The following COL11A1 variants were observed in gnomAD, a reference collection of about 807,000 sequenced individuals.
COL11A1 encodes collagen type XI alpha 1 chain, also known as collagen alpha-1(XI) chain.
COL11A1 carries 74 observed loss-of-function variants against 265.2 expected under a neutral mutation model. That is an observed-to-expected ratio of 0.28 (90% CI 0.23 to 0.34). COL11A1 has a LOEUF of 0.34. Ranked by LOEUF, COL11A1 falls within the 10% of genes least tolerant of loss-of-function variation. The pLI is 1.00. For synonymous variants in COL11A1, 816 were observed against 727.6 expected (o/e 1.12, Z -1.96); for missense variants, 2,165 against 2,263.6 (o/e 0.96, Z 0.88).
At chr1:102,943,314 G>C (rs886206980) in intron 42 of COL11A1, among the ~76,000 whole-genome samples, 1 of 151,676 alleles carries the variant, frequency 6.6e-6, no homozygotes, top group African/African-American at 2.4e-5. Flanking sequence ...TAAATACCCA[G>C]CAGGTAAAAT....
chr1:103,041,308 G>A lies in COL11A1; in HGVS notation c.652-10064C>T, dbSNP rs192033252. On this transcript the variant is annotated intron_variant, in intron 4 of 66. Coordinates refer to ENST00000370096, the MANE Select transcript of COL11A1 (RefSeq NM_001854.4). ...AAAGAGTTAACAGTTGAACTGACAC[G>A]TTTATTCCTCCAACACAATACCAGA... Among the ~76,000 whole-genome samples the A allele has an allele frequency of 2.6e-5, 4 of 151,730 alleles. 1 individual carries two copies. Among genetic ancestry groups the A allele is most frequent in the Admixed American group, 2.0e-4 (3 of 15,224 alleles).
chr1:102,939,422 C>T (rs1658487955), intron 43 of COL11A1, among the ~76,000 whole-genome samples: 1 of 152,052 alleles, frequency 6.6e-6, no homozygotes, highest in Non-Finnish European at 1.5e-5. Context: ...ATTACTTTAC[C>T]AGCTAGGTTC....
intron 30 of COL11A1, among the ~76,000 whole-genome samples, chr1:102,986,646 C>A (rs181104786): frequency 2.0e-5 from 3 of 152,206 alleles, no homozygotes; most frequent in East Asian, 3.9e-4. Flanking sequence ...CAAGAGATTA[C>A]TGATATTTTG....
chr1:103,049,977 T>C (rs563933372), intron 4 of COL11A1, among the ~76,000 whole-genome samples: 1 of 152,350 alleles, frequency 6.6e-6, no homozygotes, highest in Non-Finnish European at 1.5e-5. Flanking sequence ...CAGCTGTTAA[T>C]CTGATGGGCT....
At chr1:103,095,283 T>G (rs569719753) in intron 1 of COL11A1, among the ~76,000 whole-genome samples, 93 of 152,118 alleles carry the variant, frequency 6.1e-4, no homozygotes, top group Non-Finnish European at 1.2e-3. Flanking sequence ...ATTTTACATT[T>G]TACATAGAAA....
At chr1:102,966,655 A>AT (rs1661428168) in intron 37 of COL11A1, among the ~76,000 whole-genome samples, 1 of 152,134 alleles carries the variant, frequency 6.6e-6, no homozygotes, top group Non-Finnish European at 1.5e-5. Context: ...TAGTCGCTTA[A>AT]TTTTTTCATC....
chr1:102,935,737 C>A (rs547837410), intron 44 of COL11A1, among the ~76,000 whole-genome samples: 1 of 152,088 alleles, frequency 6.6e-6, no homozygotes, highest in Non-Finnish European at 1.5e-5. Context: ...ATAAAAGGTT[C>A]AGGCATTAAA....
chr1:103,033,319 C>CATT (rs1668126631), intron 4 of COL11A1, among the ~76,000 whole-genome samples: 1 of 150,754 alleles, frequency 6.6e-6, no homozygotes, highest in South Asian at 2.1e-4. Flanking sequence ...GTTATTCTTC[C>CATT]ATTACTGCCT....
Position 102,979,101 on chromosome 1 carries a change from C to G in COL11A1, c.2614G>C (p.Val872Leu), listed in dbSNP as rs1253305498. The G allele has an allele frequency of 1.2e-6, 2 of 1,614,088 alleles. No individual in the cohort carries two copies. Among genetic ancestry groups the G allele is most frequent in the Non-Finnish European group, 1.7e-6 (2 of 1,179,948 alleles). The change falls in exon 33 of 67, where the codon GTA becomes CTA. Residue 872 changes from valine to leucine, a missense_variant. Physicochemically the swap from Val to Leu is conservative, Grantham distance 32. Transcript: ENST00000370096. ...GANGEKGARG[V>L]AGKPGPRGQR... Reference sequence around the variant, plus strand: ...CCCCGAGGGCCTGGTTTGCCAGCTACTCCCTAGCAAAGACAGTTCAATTTC... The same window carrying G: ...CCCCGAGGGCCTGGTTTGCCAGCTAGTCCCTAGCAAAGACAGTTCAATTTC...
At chr1:103,062,684 C>A (rs72987835) in intron 4 of COL11A1, among the ~76,000 whole-genome samples, 1 of 151,860 alleles carries the variant, frequency 6.6e-6, no homozygotes, top group Non-Finnish European at 1.5e-5. Flanking sequence ...TCAAACTGAT[C>A]AGAAAGAAGG....
rs150669855 is a variant in COL11A1 at position 102,915,636 on chromosome 1, C to A, written c.3811G>T (p.Val1271Leu). The A allele has an allele frequency of 7.4e-4, 1,200 of 1,613,124 alleles. No individual in the cohort carries two copies. Among genetic ancestry groups the A allele is most frequent in the Non-Finnish European group, 9.6e-4 (1,131 of 1,179,140 alleles). ...AACAATAACACAGTACTTACGCCTA[C>A]ACCTGCTTCCCCAGGAGGCCCTGGG... ...GNPGPPGEAGVGGPKGERGEK... is the reference protein window; with the variant it reads ...GNPGPPGEAGLGGPKGERGEK... The change falls in exon 50 of 67, where the codon GTA (valine) becomes TTA (leucine). Residue 1271 changes from valine (V) to leucine (L), a missense_variant. Transcript: ENST00000370096.
At chr1:102,886,679 ATAAT>A (rs1651021546) in intron 63 of COL11A1, 124 bp downstream of exon 63, 8 of 1,333,318 alleles carry the variant, frequency 6.0e-6, no homozygotes, top group African/African-American at 5.8e-5. Context: ...TGTCTAGAAG[ATAAT>A]TAATAACTGT....
At chr1:102,980,360 A>T (rs938711610) in intron 31 of COL11A1, among the ~76,000 whole-genome samples, 1 of 152,108 alleles carries the variant, frequency 6.6e-6, no homozygotes, top group Non-Finnish European at 1.5e-5. Flanking sequence ...TCTTGCACAT[A>T]TATCTAAATT....
chr1:103,077,627 T>C (rs1300245503), intron 3 of COL11A1, among the ~76,000 whole-genome samples: 1 of 152,150 alleles, frequency 6.6e-6, no homozygotes, highest in Non-Finnish European at 1.5e-5. Context: ...TTCCTTCTTA[T>C]AGCTATAACC....
intron 3 of COL11A1, among the ~76,000 whole-genome samples, 196 bp downstream of exon 3, chr1:103,078,462 T>C (rs1010474796): frequency 7.2e-5 from 11 of 152,102 alleles, no homozygotes; most frequent in Non-Finnish European, 1.0e-4. Context: ...ATACTACTTA[T>C]TAGTAATTTA....
intron 41 of COL11A1, among the ~76,000 whole-genome samples, chr1:102,959,930 A>G (rs1462402557): frequency 6.6e-6 from 1 of 152,156 alleles, no homozygotes; most frequent in African/African-American, 2.4e-5. Context: ...TTCTTAAAAC[A>G]TCATTTATTC....
At chr1:103,006,003 A>C in intron 17 of COL11A1, 65 bp downstream of exon 17, 1 of 1,611,312 alleles carries the variant, frequency 6.2e-7, no homozygotes, top group Non-Finnish European at 8.5e-7. Context: ...ATGGATTTTT[A>C]AATATAAAAT....
intron 1 of COL11A1, among the ~76,000 whole-genome samples, chr1:103,102,780 T>C (rs1674384545): frequency 6.6e-6 from 1 of 152,092 alleles, no homozygotes; most frequent in South Asian, 2.1e-4. Flanking sequence ...TAAAAACTCA[T>C]GATAAATGCT....
chr1:102,976,601 C>A (rs961379974), intron 35 of COL11A1, among the ~76,000 whole-genome samples: 1 of 151,970 alleles, frequency 6.6e-6, no homozygotes, highest in Non-Finnish European at 1.5e-5. Flanking sequence ...GCCTGGCTGG[C>A]GTATTCTTTT....
Sources: allele counts gnomAD v4.1 joint callset (sites outside exome capture counted in the v4.1 genomes callset), GRCh38; gene constraint gnomAD v4.1.1; transcripts MANE v1.5; gene names NCBI Gene and HGNC (gene_info 2026-07-23, HGNC 2026-07-21).